The following ADAM20 variants were observed in gnomAD, a reference collection of about 807,000 sequenced individuals.
The protein encoded by ADAM20 is disintegrin and metalloproteinase domain-containing protein 20.
For missense variants in ADAM20, 871 were observed against 883.2 expected, an observed-to-expected ratio of 0.99 and a Z score of 0.18; for synonymous variants, 305 against 310.2, an observed-to-expected ratio of 0.98 and a Z score of 0.18.
chr14:70,546,454 A>G, the ADAM20 span, among the ~76,000 whole-genome samples: 2 of 152,168 alleles, frequency 1.3e-5, no homozygotes, highest in African/African-American at 4.8e-5. Context: ...AGGTGGGGAC[A>G]ACTCAAAGCA....
the ADAM20 span, among the ~76,000 whole-genome samples, chr14:70,562,773 C>T: frequency 2.2e-4 from 34 of 152,194 alleles, no homozygotes; most frequent in African/African-American, 8.2e-4. Context: ...TTTCCTGAGG[C>T]CTCCTAGTCA....
chr14:70,535,970 T>C (rs1305559559), upstream of ADAM20, among the ~76,000 whole-genome samples: 29 of 152,308 alleles, frequency 1.9e-4, no homozygotes, highest in East Asian at 5.6e-3. Flanking sequence ...ATAAAACGCT[T>C]CATTCAGTAA....
intron 1 of ADAM20, among the ~76,000 whole-genome samples, chr14:70,525,458 G>C (rs1039736252): frequency 2.0e-5 from 3 of 152,080 alleles, no homozygotes. Flanking sequence ...CTGGTCTCAA[G>C]TGATCTTCTT....
the ADAM20 span, among the ~76,000 whole-genome samples, chr14:70,560,651 T>C: frequency 1.3e-5 from 2 of 152,118 alleles, no homozygotes; most frequent in African/African-American, 2.4e-5. Flanking sequence ...GATTTCCCTC[T>C]TGCTGTTCTC....
the ADAM20 span, among the ~76,000 whole-genome samples, chr14:70,565,863 A>G: frequency 6.6e-6 from 1 of 152,078 alleles, no homozygotes; most frequent in Non-Finnish European, 1.5e-5. Flanking sequence ...TGTGGATTGT[A>G]TTATCTGTGG....
chr14:70,560,032 G>C, the ADAM20 span, among the ~76,000 whole-genome samples: 1 of 152,082 alleles, frequency 6.6e-6, no homozygotes, highest in Non-Finnish European at 1.5e-5. Flanking sequence ...AGAAAATGTA[G>C]GAAAATCTAA....
chr14:70,577,602 GA>G, the ADAM20 span, among the ~76,000 whole-genome samples: 1 of 152,076 alleles, frequency 6.6e-6, no homozygotes, highest in Non-Finnish European at 1.5e-5. Context: ...AAATTCATTT[GA>G]AACATAACAA....
At position 70,523,695 on chromosome 14, in the gene ADAM20, G is replaced by A; in HGVS notation, c.1063C>T (p.Gln355Ter). The A allele has an allele frequency of 1.2e-6, 2 of 1,614,034 alleles. No individual in the cohort carries two copies. Among genetic ancestry groups the A allele is most frequent in the Non-Finnish European group, 1.7e-6 (2 of 1,179,974 alleles). ...GHNLGMQHDTQWCVCELQWCI... is the reference protein window; with the variant it reads ...GHNLGMQHDT ...CACTGTAGCTCGCACACACACCACT[G>A]GGTGTCATGTTGCATACCCAAATTA... is the stretch of plus-strand genomic sequence containing the variant. Residue 355 changes from glutamine to a stop codon, truncating the protein, a stop_gained, in exon 2 of 2, where the codon CAG (glutamine) becomes TAG (stop). Coordinates refer to ENST00000256389, the MANE Select transcript of ADAM20 (RefSeq NM_003814.5). LOFTEE classifies it low-confidence loss of function (END_TRUNC).
At chr14:70,567,551 C>A in the ADAM20 span, among the ~76,000 whole-genome samples, 11 of 152,182 alleles carry the variant, frequency 7.2e-5, no homozygotes, top group African/African-American at 2.7e-4. Context: ...CCACTGGGGG[C>A]TGGGGAATGC....
chr14:70,525,398 G>C (rs1219808563), intron 1 of ADAM20, among the ~76,000 whole-genome samples: 5 of 151,702 alleles, frequency 3.3e-5, no homozygotes, highest in African/African-American at 4.8e-5. Context: ...ATTTTTTTTG[G>C]GGGGATAGAG....
intron 1 of ADAM20, among the ~76,000 whole-genome samples, chr14:70,531,272 C>T (rs778005688): frequency 2.6e-5 from 4 of 152,058 alleles, no homozygotes; most frequent in Non-Finnish European, 4.4e-5. Flanking sequence ...ATGATCATCT[C>T]AATAGATGCA....
At chr14:70,563,692 G>T in the ADAM20 span, among the ~76,000 whole-genome samples, 1 of 148,436 alleles carries the variant, frequency 6.7e-6, no homozygotes, top group African/African-American at 2.5e-5. Flanking sequence ...CCTGGCTGCT[G>T]TAAAGTGTGG....
In ADAM20 at chr14:70,523,133, C is replaced by G. The variant is rs769836685; in HGVS notation, c.1625G>C (p.Gly542Ala). 1 of 1,614,014 alleles carries G rather than the reference C, an allele frequency of 6.2e-7. No individual in the cohort carries two copies. Among genetic ancestry groups the G allele is most frequent in the Non-Finnish European group, 8.5e-7 (1 of 1,179,946 alleles). Reference sequence around the variant, plus strand: ...TGTTGTGCCTACAATACCACAGTGACCGAAACGGTTTCCTTGGGTGTTGAT... The same window carrying G: ...TGTTGTGCCTACAATACCACAGTGAGCGAAACGGTTTCCTTGGGTGTTGAT... ...QEINTQGNRFGHCGIVGTTYV... is the reference protein window; with the variant it reads ...QEINTQGNRFAHCGIVGTTYV... The change falls in exon 2 of 2, where the codon GGT (glycine) becomes GCT (alanine). Residue 542 changes from glycine (G) to alanine (A), a missense_variant. Coordinates refer to ENST00000256389, the MANE Select transcript of ADAM20 (RefSeq NM_003814.5).
upstream of ADAM20, among the ~76,000 whole-genome samples, chr14:70,538,204 C>T (rs1883875563): frequency 6.6e-6 from 1 of 152,096 alleles, no homozygotes; most frequent in Admixed American, 6.5e-5. Context: ...ACCTGCTACC[C>T]ATTCAAAAAC....
chr14:70,569,712 A>C, the ADAM20 span, among the ~76,000 whole-genome samples: 1 of 152,106 alleles, frequency 6.6e-6, no homozygotes, highest in South Asian at 2.1e-4. Flanking sequence ...TAAAACATTC[A>C]ATTCAATCAA....
Position 70,523,712 on chromosome 14 carries a change from C to A in ADAM20, c.1046G>T (p.Gly349Val), listed in dbSNP as rs1186926862. 6.2e-7 allele frequency: 1 copy of A among 1,614,034 alleles called. No individual in the cohort carries two copies. Among genetic ancestry groups the A allele is most frequent in the Non-Finnish European group, 8.5e-7 (1 of 1,179,958 alleles). ...TLGHELGHNLGMQHDTQWCVC... is the reference protein window; with the variant it reads ...TLGHELGHNLVMQHDTQWCVC... ...ACACCACTGGGTGTCATGTTGCATA[C>A]CCAAATTATGACCAAGCTCGTGGCC... The change falls in exon 2 of 2, where the codon GGT becomes GTT. Residue 349 changes from glycine to valine, a missense_variant. Transcript: ENST00000256389.
the ADAM20 span, among the ~76,000 whole-genome samples, chr14:70,542,270 A>T: frequency 6.6e-6 from 1 of 152,232 alleles, no homozygotes; most frequent in Admixed American, 6.5e-5. Flanking sequence ...ATAGTTACAT[A>T]TATAAGTTCA....
At position 70,523,190 on chromosome 14, in the gene ADAM20, G is replaced by C; in HGVS notation, c.1568C>G (p.Ala523Gly). The change falls in exon 2 of 2, where the codon GCA (alanine) becomes GGA (glycine). Residue 523 changes from alanine (A) to glycine (G), a missense_variant. Coordinates refer to ENST00000256389, the MANE Select transcript of ADAM20 (RefSeq NM_003814.5). ...IQCKEIFGQD[A>G]RSASQSCYQE... ...GTAGCAACTCTGAGATGCACTCCTT[G>C]CATCTTGGCCAAAAATCTCTTTACA... is the stretch of plus-strand genomic sequence containing the variant. 1 of 1,613,946 alleles carries C rather than the reference G, an allele frequency of 6.2e-7. No homozygotes were observed. The highest frequency in any genetic ancestry group is 1.1e-5 in the South Asian group (1 of 91,086).
the ADAM20 span, among the ~76,000 whole-genome samples, chr14:70,571,463 A>G: frequency 6.6e-6 from 1 of 152,176 alleles, no homozygotes; most frequent in Non-Finnish European, 1.5e-5. Flanking sequence ...CCCTTATGCC[A>G]TGATTGTAAG....
Sources: gnomAD v4.1 joint callset for allele counts (sites outside exome capture counted in the v4.1 genomes callset) on GRCh38, gnomAD v4.1.1 for gene constraint, MANE v1.5 for transcripts, NCBI Gene and HGNC (gene_info 2026-07-23, HGNC 2026-07-21) for gene names.